The following YME1L1 variants were observed in gnomAD, a reference collection of about 807,000 sequenced individuals.
YME1L1 encodes the protein ATP-dependent zinc metalloprotease YME1L1.
A neutral mutation model predicts 90.4 loss-of-function variants in YME1L1; 39 were observed. The observed-to-expected ratio is 0.43, with a 90% CI of 0.33 to 0.56. The LOEUF is 0.56. Ranked by LOEUF, YME1L1 falls within the 20% of genes least tolerant of loss-of-function variation. The probability of loss-of-function intolerance (pLI) is 0.03; values close to 1 mark genes in which losing one functional copy is unlikely to be tolerated. For synonymous variants in YME1L1, 284 were observed against 287.3 expected (o/e 0.99, Z 0.12); for missense variants, 617 against 868.4 (o/e 0.71, Z 3.64).
At chr10:27,129,713 T>G (rs1188932530) in intron 8 of YME1L1, among the ~76,000 whole-genome samples, 3 of 115,426 alleles carry the variant, frequency 2.6e-5, no homozygotes, top group African/African-American at 1.1e-4. Context: ...TTGGAAAAGA[T>G]AAAATAAAAA....
intron 3 of YME1L1, 127 bp downstream of exon 3, chr10:27,145,294 AAAAAAAC>A: frequency 1.3e-6 from 1 of 770,170 alleles, no homozygotes; most frequent in Non-Finnish European, 1.8e-6. Context: ...AATTGCAAAA[AAAAAAAC>A]AAAAAAAAAA....
chr10:27,134,043 T>C lies in YME1L1; in HGVS notation c.771A>G (p.Leu257=). 4 of 1,609,602 alleles carry C rather than the reference T, an allele frequency of 2.5e-6. No individual in the cohort carries two copies. The highest frequency in any genetic ancestry group is 3.4e-6 in the Non-Finnish European group (4 of 1,178,084). Residue 257 remains leucine, a synonymous_variant, in exon 7 of 19, where the codon TTA becomes TTG. Transcript: ENST00000376016. ...GIYGLLKNPF[L]SVRFRTTTGL... is the part of the protein sequence containing the mutation. Reference sequence around the variant, plus strand: ...ACAAATAAAAAAAGCTTTTACCAGATAAAAATGGGTTTTTTAGAAGTCCAT... The same window carrying C: ...ACAAATAAAAAAAGCTTTTACCAGACAAAAATGGGTTTTTTAGAAGTCCAT...
chr10:27,131,991 A>T, intron 7 of YME1L1, 50 bp from the exon 8 acceptor site: 1 of 1,474,218 alleles, frequency 6.8e-7, no homozygotes, highest in Non-Finnish European at 9.3e-7. Context: ...ATAACATTCC[A>T]ATCACCTTGT....
intron 2 of YME1L1, among the ~76,000 whole-genome samples, 188 bp downstream of exon 2, chr10:27,148,718 G>A (rs2057173146): frequency 6.6e-6 from 1 of 151,856 alleles, no homozygotes; most frequent in African/African-American, 2.4e-5. Context: ...TATGTTAATG[G>A]ACCCTTTATT....
At chr10:27,119,964 T>C (rs1335063910) in intron 13 of YME1L1, among the ~76,000 whole-genome samples, 1 of 152,214 alleles carries the variant, frequency 6.6e-6, no homozygotes, top group African/African-American at 2.4e-5. Context: ...ATGTATAGTT[T>C]AATGAATTGA....
intron 2 of YME1L1, 139 bp from the exon 3 acceptor site, chr10:27,145,729 T>C: frequency 2.7e-6 from 2 of 747,660 alleles, no homozygotes; most frequent in South Asian, 7.3e-5. Context: ...TAAAAATAAA[T>C]TGATGCAAAT....
intron 4 of YME1L1, among the ~76,000 whole-genome samples, chr10:27,137,557 G>A (rs868026899): frequency 5.4e-4 from 82 of 152,152 alleles, no homozygotes; most frequent in African/African-American, 1.9e-3. Context: ...CAATTTATGT[G>A]CCCACCAATG....
rs927799627 is a variant in YME1L1 at position 27,133,930 on chromosome 10, T to C, written c.775+109A>G. 1.3e-4 allele frequency: 98 copies of C among 742,496 alleles called. 1 individual carries two copies. The highest frequency in any genetic ancestry group is 4.5e-4 in the South Asian group (21 of 47,018). The allele number at this position is 742,496 out of a possible 1,614,324, so 46.0% of individuals were successfully genotyped here. On this transcript the variant is annotated intron_variant, in intron 7 of 18. Coordinates refer to ENST00000376016, the MANE Select transcript of YME1L1 (RefSeq NM_014263.4). The stretch of plus-strand genomic sequence containing the variant: ...ACTAGGAATGAAAGCCTAATTCTAG[T>C]ACTGTAAACATTAATATGTTCTTTC...
intron 3 of YME1L1, among the ~76,000 whole-genome samples, chr10:27,143,427 C>T (rs1019086254): frequency 2.8e-5 from 4 of 144,392 alleles, no homozygotes; most frequent in Non-Finnish European, 4.6e-5. Flanking sequence ...AGGCCAGGCG[C>T]GGTGCCTCAC....
Position 27,141,779 on chromosome 10 carries a change from G to C in YME1L1, c.430+608C>G, listed in dbSNP as rs979795141. 2.0e-5 allele frequency among the ~76,000 whole-genome samples: 3 copies of C among 152,108 alleles called. No homozygotes were observed. In the South Asian group the frequency reaches 6.2e-4, roughly 32 times the overall value. ...CCCATCCCAGTGCCCAATTTTACTGGCTCTGGAAGTGGGGTTTTTCCTGAG... is the reference window on the plus strand; with the variant it reads ...CCCATCCCAGTGCCCAATTTTACTGCCTCTGGAAGTGGGGTTTTTCCTGAG... On this transcript the variant is annotated intron_variant, in intron 4 of 18. Coordinates refer to ENST00000376016, the MANE Select transcript of YME1L1 (RefSeq NM_014263.4).
chr10:27,125,740 AAAC>A (rs1178371829), intron 9 of YME1L1, among the ~76,000 whole-genome samples: 1 of 151,032 alleles, frequency 6.6e-6, no homozygotes, highest in Non-Finnish European at 1.5e-5. Flanking sequence ...TCCTAGGTTC[AAAC>A]GATTCTCCTG....
At chr10:27,128,314 G>C (rs1271166324) in intron 8 of YME1L1, among the ~76,000 whole-genome samples, 1 of 152,142 alleles carries the variant, frequency 6.6e-6, no homozygotes, top group African/African-American at 2.4e-5. Flanking sequence ...TATAAATTTA[G>C]GTCTTACAGC....
chr10:27,145,475 C>T lies in YME1L1; in HGVS notation c.284G>A (p.Trp95Ter). ...FCKGKNISSH[W>*]HTSHVSAQSF... ...TTGTGCAGAGACATGGGATGTATGC[C>T]AATGGGAAGAAATGTTTTTGCCTTT... Residue 95 changes from tryptophan to a stop codon, truncating the protein, a stop_gained, in exon 3 of 19, where the codon TGG becomes TAG. Transcript: ENST00000376016. LOFTEE classifies it high-confidence loss of function. The T allele has an allele frequency of 6.2e-7, 1 of 1,613,234 alleles. No homozygotes were observed. Among genetic ancestry groups the T allele is most frequent in the Non-Finnish European group, 8.5e-7 (1 of 1,179,504 alleles).
At position 27,117,811 on chromosome 10, in the gene YME1L1, A is replaced by G. The variant is rs1467225696; in HGVS notation, c.1568-84T>C. On this transcript the variant is annotated intron_variant, in intron 14 of 18. Transcript: ENST00000376016. ...ACACATTCTTGTCTGCAAATCAAAT[A>G]CACTCCACCCTTCCTATCAGCAGAT... 5.7e-6 allele frequency: 8 copies of G among 1,393,138 alleles called. No homozygotes were observed. In the Admixed American group the frequency reaches 9.0e-5, roughly 16 times the overall value. The allele number at this position is 1,393,138 out of a possible 1,614,324, so 86.3% of individuals were successfully genotyped here.
At chr10:27,140,675 C>A (rs1411936988) in intron 4 of YME1L1, among the ~76,000 whole-genome samples, 1 of 151,956 alleles carries the variant, frequency 6.6e-6, no homozygotes. Context: ...GATGGGGTTT[C>A]ACTATGTTGG....
chr10:27,139,471 T>C (rs1564465389), intron 4 of YME1L1, among the ~76,000 whole-genome samples: 3 of 152,162 alleles, frequency 2.0e-5, no homozygotes, highest in Non-Finnish European at 4.4e-5. Flanking sequence ...CCTGGCCTTA[T>C]GCTAATACTA....
intron 13 of YME1L1, among the ~76,000 whole-genome samples, chr10:27,120,000 G>C (rs2056850164): frequency 6.6e-6 from 1 of 152,080 alleles, no homozygotes; most frequent in Admixed American, 6.6e-5. Flanking sequence ...AACTACTGCA[G>C]CTTTAATAAT....
intron 2 of YME1L1, chr10:27,147,737 C>A: frequency 6.5e-7 from 1 of 1,539,402 alleles, no homozygotes; most frequent in Non-Finnish European, 8.8e-7. Flanking sequence ...CTGTAACACC[C>A]GTGGTTTCTA....
At chr10:27,150,345 T>C (rs1375404105) in intron 1 of YME1L1, among the ~76,000 whole-genome samples, 3 of 152,240 alleles carry the variant, frequency 2.0e-5, no homozygotes, top group Non-Finnish European at 4.4e-5. Context: ...GTAACAATTA[T>C]ACTTCTTGTT....
Sources: gnomAD v4.1 joint callset for allele counts (sites outside exome capture counted in the v4.1 genomes callset) on GRCh38, gnomAD v4.1.1 for gene constraint, MANE v1.5 for transcripts, NCBI Gene and HGNC (gene_info 2026-07-23, HGNC 2026-07-21) for gene names.